Variants in NAALADL2 observed in about 807,000 individuals in gnomAD.
NAALADL2 encodes the protein inactive N-acetylated-alpha-linked acidic dipeptidase-like protein 2.
Under a neutral mutation model 87.2 loss-of-function variants are expected in NAALADL2, and 76 were observed. The ratio of observed to expected loss-of-function variants is 0.87; its 90% CI spans 0.72 to 1.05. The LOEUF (loss-of-function observed/expected upper bound fraction) is 1.05, where lower values mean the gene tolerates loss of function less well. NAALADL2 is among the 50% of genes least tolerant of loss of function. The probability of loss-of-function intolerance (pLI) is 0.00; values close to 1 mark genes in which losing one functional copy is unlikely to be tolerated. For synonymous variants in NAALADL2, 354 were observed against 331.0 expected (o/e 1.07, Z -0.75); for missense variants, 1,089 against 945.8 (o/e 1.15, Z -1.99).
intron 9 of NAALADL2, among the ~76,000 whole-genome samples, chr3:175,564,340 AT>A (rs1310711364): frequency 1.3e-5 from 2 of 152,160 alleles, no homozygotes; most frequent in East Asian, 1.9e-4. Flanking sequence ...AAAATACGTG[AT>A]TTTTTTAAAG....
At chr3:175,499,529 C>T (rs1363499604) in intron 9 of NAALADL2, among the ~76,000 whole-genome samples, 1 of 151,094 alleles carries the variant, frequency 6.6e-6, no homozygotes, top group Non-Finnish European at 1.5e-5. Flanking sequence ...TTTTTAACTT[C>T]TGAGGTTTTA....
chr3:174,639,851 T>C (rs1347942284), intron 2 of NAALADL2, among the ~76,000 whole-genome samples: 1 of 152,248 alleles, frequency 6.6e-6, no homozygotes, highest in Non-Finnish European at 1.5e-5. Flanking sequence ...GATATAAATA[T>C]TATAATAATT....
Position 174,564,440 on chromosome 3 carries a change from G to A in NAALADL2, c.-115+13803G>A, listed in dbSNP as rs545041625. Among the ~76,000 whole-genome samples the A allele has an allele frequency of 3.3e-5, 5 of 152,168 alleles. No individual in the cohort carries two copies. The South Asian group carries it at 6.2e-4, about 19-fold the overall frequency. On this transcript the variant is annotated intron_variant, in intron 2 of 3. Coordinates refer to the NAALADL2 transcript ENST00000434257. ...GAGGACCTAGTGGGCGTGGAAACCC[G>A]GGGAACCCTACAGTGCTTGAAAAGA...
At chr3:175,499,349 A>G (rs1434666640) in intron 9 of NAALADL2, among the ~76,000 whole-genome samples, 2 of 152,156 alleles carry the variant, frequency 1.3e-5, no homozygotes, top group Non-Finnish European at 2.9e-5. Flanking sequence ...TTAGGAACTT[A>G]AACACTGAAT....
rs552807904 is a variant in NAALADL2 at position 175,514,800 on chromosome 3, C to A, written c.1653+43042C>A. Among the ~76,000 whole-genome samples the A allele has an allele frequency of 3.7e-4, 56 of 152,222 alleles. 1 individual carries two copies. The Middle Eastern group carries it at 0.017, about 46-fold the overall frequency. On this transcript the variant is annotated intron_variant, in intron 9 of 13. Coordinates refer to ENST00000454872, the MANE Select transcript of NAALADL2 (RefSeq NM_207015.3). ...ATATAAATGAGAAGTGGAGTTAATA[C>A]TGAAAGGAATAAAAAAAGTTTCAAA... is the stretch of plus-strand genomic sequence containing the variant.
intron 1 of NAALADL2, among the ~76,000 whole-genome samples, chr3:174,956,605 T>C (rs796675992): frequency 2.3e-4 from 35 of 152,250 alleles, no homozygotes; most frequent in African/African-American, 7.7e-4. Context: ...TCAATTAATA[T>C]TAGCCATTAG....
chr3:175,786,235 T>A (rs553647616), intron 13 of NAALADL2, among the ~76,000 whole-genome samples: 1 of 152,120 alleles, frequency 6.6e-6, no homozygotes, highest in East Asian at 1.9e-4. Flanking sequence ...TTCCTGAATC[T>A]GAACCTTGGC....
chr3:174,865,674 T>C (rs1014248861), intron 1 of NAALADL2, among the ~76,000 whole-genome samples: 2 of 151,954 alleles, frequency 1.3e-5, no homozygotes, highest in African/African-American at 4.8e-5. Flanking sequence ...CTTGGTATTG[T>C]TATAACACAG....
At chr3:175,709,563 C>T (rs1007981324) in intron 11 of NAALADL2, among the ~76,000 whole-genome samples, 3 of 152,062 alleles carry the variant, frequency 2.0e-5, no homozygotes, top group Non-Finnish European at 2.9e-5. Context: ...CCACCAGTTG[C>T]GTAGGCTTAT....
chr3:175,155,745 G>C (rs561813248), intron 2 of NAALADL2, among the ~76,000 whole-genome samples: 12 of 152,182 alleles, frequency 7.9e-5, no homozygotes, highest in African/African-American at 2.6e-4. Context: ...CTGGGCATTG[G>C]AATCATCTCA....
chr3:175,740,576 G>C (rs1745089411), intron 12 of NAALADL2, among the ~76,000 whole-genome samples: 1 of 152,174 alleles, frequency 6.6e-6, no homozygotes, highest in South Asian at 2.1e-4. Context: ...ACAATATCTT[G>C]AGAACAAAGG....
At chr3:174,960,417 A>C (rs1579734439) in intron 1 of NAALADL2, among the ~76,000 whole-genome samples, 1 of 152,060 alleles carries the variant, frequency 6.6e-6, no homozygotes, top group African/African-American at 2.4e-5. Flanking sequence ...TGGCGATGGA[A>C]TGTCAATCAC....
chr3:175,444,343 C>G lies in NAALADL2; in HGVS notation c.1091-2886C>G, dbSNP rs548116598. On this transcript the variant is annotated intron_variant, in intron 5 of 13. Coordinates refer to ENST00000454872, the MANE Select transcript of NAALADL2 (RefSeq NM_207015.3). Reference sequence around the variant, plus strand: ...TGGGAAAACCAGATGGCTATCCCAGCGTTTGTACAGACATTGTCTATGCTT... The same window carrying G: ...TGGGAAAACCAGATGGCTATCCCAGGGTTTGTACAGACATTGTCTATGCTT... 3.3e-5 allele frequency among the ~76,000 whole-genome samples: 5 copies of G among 152,242 alleles called. No homozygotes were observed. The East Asian group carries it at 9.7e-4, about 29-fold the overall frequency.
intron 10 of NAALADL2, among the ~76,000 whole-genome samples, chr3:175,577,660 T>C (rs1440835812): frequency 6.6e-6 from 1 of 152,142 alleles, no homozygotes; most frequent in Non-Finnish European, 1.5e-5. Context: ...ACCATCAAAA[T>C]CATTTGTATT....
chr3:175,115,504 G>A (rs1425026299), intron 2 of NAALADL2, among the ~76,000 whole-genome samples: 9 of 151,670 alleles, frequency 5.9e-5, no homozygotes, highest in Middle Eastern at 3.4e-3. Flanking sequence ...CAGATAACGT[G>A]TATCCTAATA....
chr3:174,889,315 T>A (rs1027298389), intron 1 of NAALADL2, among the ~76,000 whole-genome samples: 1 of 152,194 alleles, frequency 6.6e-6, no homozygotes, highest in Non-Finnish European at 1.5e-5. Context: ...TTGTTTATAA[T>A]CCTTGCTGTT....
chr3:175,554,588 C>G (rs916109474), intron 9 of NAALADL2, among the ~76,000 whole-genome samples: 7 of 151,776 alleles, frequency 4.6e-5, no homozygotes, highest in Admixed American at 4.6e-4. Flanking sequence ...CATGGGGGTA[C>G]CTTCTCAGAA....
chr3:174,965,266 C>T (rs1333279888), intron 1 of NAALADL2, among the ~76,000 whole-genome samples: 1 of 152,076 alleles, frequency 6.6e-6, no homozygotes, highest in Non-Finnish European at 1.5e-5. Context: ...AGTGCTGGTA[C>T]CAACAGGGAA....
In NAALADL2 at chr3:175,097,307, A is replaced by G. The variant is rs760320265; in HGVS notation, c.545+16A>G. 6.3e-7 allele frequency: 1 copy of G among 1,592,992 alleles called. No individual in the cohort carries two copies. The highest frequency in any genetic ancestry group is 2.2e-5 in the East Asian group (1 of 44,702). ...AGTCTTTCAGGTAGGTGAAGAAGAAACAGATGTTGTTTGAATGCATTTCTT... is the reference window on the plus strand; with the variant it reads ...AGTCTTTCAGGTAGGTGAAGAAGAAGCAGATGTTGTTTGAATGCATTTCTT... On this transcript the variant is annotated intron_variant, in intron 2 of 13. Transcript: ENST00000454872.
Sources: gnomAD v4.1 joint callset for allele counts (sites outside exome capture counted in the v4.1 genomes callset) on GRCh38, gnomAD v4.1.1 for gene constraint, MANE v1.5 for transcripts, NCBI Gene and HGNC (gene_info 2026-07-23, HGNC 2026-07-21) for gene names.